The following AMZ2 variants were observed in gnomAD, a reference collection of about 807,000 sequenced individuals.
AMZ2 encodes archaelysin family metallopeptidase 2.
A neutral mutation model predicts 36.7 loss-of-function variants in AMZ2; 26 were observed. The ratio of observed to expected loss-of-function variants is 0.71; its 90% CI spans 0.52 to 0.98. The LOEUF is 0.98. Among genes scored for constraint, AMZ2 ranks in the 50% least tolerant of loss-of-function variants. The probability of loss-of-function intolerance (pLI) is 0.00; values close to 1 mark genes in which losing one functional copy is unlikely to be tolerated. For synonymous variants in AMZ2, 144 were observed against 149.1 expected, an observed-to-expected ratio of 0.97 and a Z score of 0.25; for missense variants, 394 against 430.5, an observed-to-expected ratio of 0.92 and a Z score of 0.75.
chr17:68,236,943 T>C (rs1217940041), intron 1 of AMZ2, among the ~76,000 whole-genome samples: 7 of 152,204 alleles, frequency 4.6e-5, no homozygotes, highest in African/African-American at 7.2e-5. Context: ...AAATTATATA[T>C]ACACTGCTTG....
At chr17:68,209,953 A>C (rs1401464132) in intron 1 of AMZ2, among the ~76,000 whole-genome samples, 1 of 152,128 alleles carries the variant, frequency 6.6e-6, no homozygotes, top group Non-Finnish European at 1.5e-5. Context: ...AAATTAAAAT[A>C]TTATAAAATT....
intron 1 of AMZ2, among the ~76,000 whole-genome samples, chr17:68,240,368 C>G (rs1209404439): frequency 3.3e-5 from 5 of 151,994 alleles, no homozygotes; most frequent in African/African-American, 9.7e-5. Context: ...ATAAAATAAT[C>G]ATAACAAGAA....
At chr17:68,247,595 G>C (rs1468457535), upstream of AMZ2, 12 of 976,454 alleles carry the variant, frequency 1.2e-5, no homozygotes, top group Non-Finnish European at 1.5e-5. Flanking sequence ...GGAAAGTGCT[G>C]AGGGTGACGG....
chr17:68,219,298 A>G (rs141057405), intron 1 of AMZ2, among the ~76,000 whole-genome samples: 192 of 152,108 alleles, frequency 1.3e-3, no homozygotes, highest in African/African-American at 4.5e-3. Flanking sequence ...CTTCCCTTCC[A>G]GCTTCCTCCA....
At chr17:68,232,120 T>TTAAA (rs2073679011) in intron 1 of AMZ2, among the ~76,000 whole-genome samples, 2 of 100,358 alleles carry the variant, frequency 2.0e-5, no homozygotes, top group Admixed American at 2.2e-4. Context: ...CTGAAGTTTG[T>TTAAA]AAAAAAAAAA....
intron 1 of AMZ2, among the ~76,000 whole-genome samples, chr17:68,225,764 A>T (rs2073499635): frequency 6.6e-6 from 1 of 152,086 alleles, no homozygotes; most frequent in South Asian, 2.1e-4. Context: ...CTGGGATTAC[A>T]GGTGCCCACC....
Position 68,256,846 on chromosome 17 carries a change from T to G in AMZ2, c.960T>G (p.Ser320=), listed in dbSNP as rs1555743102. Residue 320 remains serine, a synonymous_variant, in exon 7 of 7, where the codon TCT becomes TCG. Coordinates refer to ENST00000359904, the MANE Select transcript of AMZ2 (RefSeq NM_016627.5). ...ALVRWIDDES[S]DTPGATPEHS... ...TGAGGTGGATTGATGATGAATCTTC[T>G]GACACACCTGGAGCAACTCCAGAAC... 1 of 1,613,902 alleles carries G rather than the reference T, an allele frequency of 6.2e-7. No individual in the cohort carries two copies. Among genetic ancestry groups the G allele is most frequent in the Non-Finnish European group, 8.5e-7 (1 of 1,179,966 alleles).
intron 1 of AMZ2, among the ~76,000 whole-genome samples, chr17:68,211,070 G>A (rs781946688): frequency 3.3e-5 from 5 of 151,988 alleles, no homozygotes; most frequent in South Asian, 4.2e-4. Flanking sequence ...GTGAAATCAC[G>A]TATTGTATGA....
At position 68,211,894 on chromosome 17, in the gene AMZ2, TGA is replaced by T. The variant is rs2073076967; in HGVS notation, c.-67+5658_-67+5659del. 2.0e-5 allele frequency among the ~76,000 whole-genome samples: 3 copies of T among 147,880 alleles called. No individual in the cohort carries two copies. The South Asian group carries it at 6.4e-4, about 32-fold the overall frequency. On this transcript the variant is annotated intron_variant, in intron 1 of 7. Coordinates refer to the AMZ2 transcript ENST00000674770. The stretch of plus-strand genomic sequence containing the variant: ...TGTGTGTATGTATATATATATGCCT[TGA>T]GTCTTTTTTAATCAGTTCCCTTTGT...
At chr17:68,252,457 T>C (rs1212306480) in intron 4 of AMZ2, among the ~76,000 whole-genome samples, 2 of 152,228 alleles carry the variant, frequency 1.3e-5, no homozygotes, top group African/African-American at 4.8e-5. Context: ...TTTTCTCTTT[T>C]ATTATTAACC....
rs782741991 is a variant in AMZ2, at chr17:68,254,557, G to T, written c.740G>T (p.Arg247Leu). 3.7e-6 allele frequency: 6 copies of T among 1,610,344 alleles called. No homozygotes were observed. The South Asian group carries it at 6.6e-5, about 18-fold the overall frequency. Residue 247 changes from arginine to leucine, a missense_variant, in exon 5 of 7, where the codon CGA becomes CTA. By Grantham distance (102) the Arg-to-Leu change is moderately radical. Coordinates refer to ENST00000359904, the MANE Select transcript of AMZ2 (RefSeq NM_016627.5). ...IPEITSVLLL[R>L]SCKTLTHEIG... Reference sequence around the variant, plus strand: ...GAAATAACTAGTGTTTTACTACTTCGATCCTGTAAGGTAAGTTATTACAAA... The same window carrying T: ...GAAATAACTAGTGTTTTACTACTTCTATCCTGTAAGGTAAGTTATTACAAA...
chr17:68,246,582 A>T (rs2074024535), upstream of AMZ2: 1 of 152,176 alleles, frequency 6.6e-6, no homozygotes. Context: ...TTGAAGCAGG[A>T]GTGGCGCATC....
intron 4 of AMZ2, among the ~76,000 whole-genome samples, chr17:68,253,069 A>G (rs1465450409): frequency 6.6e-6 from 1 of 152,220 alleles, no homozygotes; most frequent in African/African-American, 2.4e-5. Context: ...ATATTTTTAA[A>G]GTGAGACGCA....
chr17:68,207,271 A>G (rs1438443772), intron 1 of AMZ2: 1 of 149,742 alleles, frequency 6.7e-6, no homozygotes, highest in African/African-American at 2.5e-5. Context: ...TTTCACACAG[A>G]AAAGTTTCTC....
chr17:68,240,486 G>A (rs185320245), intron 1 of AMZ2, among the ~76,000 whole-genome samples: 265 of 152,326 alleles, frequency 1.7e-3, no homozygotes, highest in African/African-American at 6.2e-3. Flanking sequence ...ATGTGAGAGA[G>A]AGGAAAATCT....
Position 68,235,862 on chromosome 17 carries a change from C to T in AMZ2, c.-66-12778C>T, listed in dbSNP as rs1309647347. 6.6e-6 allele frequency among the ~76,000 whole-genome samples: 1 copy of T among 151,740 alleles called. No individual in the cohort carries two copies. Among genetic ancestry groups the T allele is most frequent in the Admixed American group, 6.6e-5 (1 of 15,206 alleles). ...TTTTTTTTTTCGAGATAGTTTCTCA[C>T]TTGGTCCACCAGGCTGGAATGCAGT... On this transcript the variant is annotated intron_variant, in intron 1 of 7. Coordinates refer to the AMZ2 transcript ENST00000674770. This position sits in a 1 kb window ranked among gnomAD's most constrained non-coding sequence, Gnocchi z 4.2.
chr17:68,250,574 G>A (rs1352409646), intron 2 of AMZ2, 104 bp downstream of exon 2: 20 of 1,421,456 alleles, frequency 1.4e-5, no homozygotes, highest in Admixed American at 7.0e-5. Flanking sequence ...TTTTAGGATC[G>A]TTTTTGATAT....
At chr17:68,247,778 G>A (rs1429750362), upstream of AMZ2, 2 of 985,474 alleles carry the variant, frequency 2.0e-6, no homozygotes, top group African/African-American at 3.5e-5. Context: ...TCGAGAACCG[G>A]GCCGCGGAGC....
intron 1 of AMZ2, among the ~76,000 whole-genome samples, chr17:68,219,159 G>A (rs1259945424): frequency 1.3e-5 from 2 of 152,102 alleles, no homozygotes; most frequent in Non-Finnish European, 1.5e-5. Context: ...TAGAGACAGG[G>A]TTTCACCATG....
Sources: gnomAD v4.1 joint callset for allele counts (sites outside exome capture counted in the v4.1 genomes callset) on GRCh38, gnomAD v4.1.1 for gene constraint, Gnocchi (gnomAD v3.1) non-coding constraint, MANE v1.5 for transcripts, NCBI Gene and HGNC (gene_info 2026-07-23, HGNC 2026-07-21) for gene names.